Variants in OXGR1 observed in about 807,000 individuals in gnomAD.
OXGR1 encodes the protein 2-oxoglutarate receptor 1.
Under a neutral mutation model 10.0 loss-of-function variants are expected in OXGR1, and 10 were observed. The ratio of observed to expected loss-of-function variants is 1.00; its 90% CI spans 0.62 to 1.70. The LOEUF is 1.70. OXGR1 is among the 40% of genes most tolerant of loss of function. The pLI, the probability that OXGR1 is intolerant of heterozygous loss-of-function variation, is 0.00. For missense variants in OXGR1, 398 were observed against 407.6 expected (o/e 0.98, Z 0.20); for synonymous variants, 191 against 155.9 (o/e 1.22, Z -1.68).
intron 3 of OXGR1, 71 bp downstream of exon 3, chr13:96,989,687 G>T (rs1034566996): frequency 1.3e-5 from 2 of 152,250 alleles, no homozygotes; most frequent in Non-Finnish European, 2.9e-5. Flanking sequence ...GGGCTGGGCT[G>T]CATCTCACAA....
In OXGR1 at chr13:96,987,711, A is replaced by G. The variant is rs1160644386; in HGVS notation, c.49T>C (p.Tyr17His). ...YLANASDFPD[Y>H]AAAFGNCTDE... ...GTGCAATTTCCAAAAGCAGCTGCAT[A>G]ATCGGGGAAATCAGAAGCATTTGCT... The change falls in exon 4 of 4, where the codon TAT becomes CAT. Residue 17 changes from tyrosine to histidine, a missense_variant. Tyr to His is a moderately conservative substitution (Grantham distance 83). Coordinates refer to ENST00000541038, the MANE Select transcript of OXGR1 (RefSeq NM_001346194.2). 6.2e-7 allele frequency: 1 copy of G among 1,610,288 alleles called. No individual in the cohort carries two copies. The highest frequency in any genetic ancestry group is 1.7e-5 in the Admixed American group (1 of 59,694).
chr13:96,987,375 T>C lies in OXGR1; in HGVS notation c.385A>G (p.Ile129Val), dbSNP rs1881814883. 1 of 1,614,020 alleles carries C rather than the reference T, an allele frequency of 6.2e-7. No individual in the cohort carries two copies. The highest frequency in any genetic ancestry group is 8.5e-7 in the Non-Finnish European group (1 of 1,180,026). Residue 129 changes from isoleucine (I) to valine (V), a missense_variant, in exon 4 of 4, where the codon ATC (isoleucine) becomes GTC (valine). Coordinates refer to ENST00000541038, the MANE Select transcript of OXGR1 (RefSeq NM_001346194.2). Reference protein sequence around the residue: ...SSILFLTCFSIFRYCVIIHPM... With the variant: ...SSILFLTCFSVFRYCVIIHPM... ...TGAATGATCACACAGTAGCGGAAGA[T>C]GCTGAAACAGGTGAGGAAGAGGATG...
chr13:96,992,968 T>C (rs1428591381), intron 1 of OXGR1, among the ~76,000 whole-genome samples: 1 of 152,174 alleles, frequency 6.6e-6, no homozygotes, highest in Non-Finnish European at 1.5e-5. Flanking sequence ...TCACTTTGGG[T>C]TGTCAAAAAG....
intron 3 of OXGR1, among the ~76,000 whole-genome samples, chr13:96,989,072 T>C (rs1488856238): frequency 2.0e-5 from 3 of 151,188 alleles, no homozygotes; most frequent in Non-Finnish European, 4.4e-5. Flanking sequence ...ATGTTAAAAA[T>C]AGGAAAAAAA....
chr13:96,987,204 G>C lies in OXGR1; in HGVS notation c.556C>G (p.Leu186Val). ...GTATTGAGTTCATCCGAACTGGTGA[G>C]GTCGAGACAGGCTGATCTGTTGGTC... Reference protein sequence around the residue: ...NRTNRSACLDLTSSDELNTIK... With the variant: ...NRTNRSACLDVTSSDELNTIK... Residue 186 changes from leucine (L) to valine (V), a missense_variant, in exon 4 of 4, where the codon CTC (leucine) becomes GTC (valine). By Grantham distance (32) the Leu-to-Val change is conservative. Coordinates refer to ENST00000541038, the MANE Select transcript of OXGR1 (RefSeq NM_001346194.2). 3 of 1,614,160 alleles carry C rather than the reference G, an allele frequency of 1.9e-6. No homozygotes were observed. Among genetic ancestry groups the C allele is most frequent in the Non-Finnish European group, 2.5e-6 (3 of 1,180,028 alleles).
In OXGR1 at chr13:96,986,253, T is replaced by C. The variant is rs1881731557; in HGVS notation, c.*493A>G. ...CAAAGTTAAGCTTGAAGGAAACAAA[T>C]TGTAGAGCTCTGAGATGTAAAAAAT... On this transcript the variant is annotated 3_prime_UTR_variant, in exon 4 of 4. Transcript: ENST00000541038. 1 of 153,244 alleles carries C rather than the reference T, an allele frequency of 6.5e-6. No individual in the cohort carries two copies. The highest frequency in any genetic ancestry group is 2.1e-4 in the South Asian group (1 of 4,874). 9.5% of individuals were successfully genotyped at this position (153,244 alleles called of 1,614,324 possible).
intron 1 of OXGR1, among the ~76,000 whole-genome samples, chr13:96,994,038 AGTCAAAT>A (rs986582779): frequency 3.9e-5 from 6 of 152,138 alleles, no homozygotes; most frequent in Non-Finnish European, 7.4e-5. Flanking sequence ...GTTCTCTCCA[AGTCAAAT>A]GTCTTCTCGC....
At position 96,987,346 on chromosome 13, in the gene OXGR1, T is replaced by A. The variant is rs753213205; in HGVS notation, c.414A>T (p.Pro138=). The A allele has an allele frequency of 5.3e-5, 86 of 1,614,082 alleles. No homozygotes were observed. The highest frequency in any genetic ancestry group is 6.7e-5 in the Non-Finnish European group (79 of 1,180,044). ...TTTTGTGAATGGAAAAGCAGCTCATTGGGTGAATGATCACACAGTAGCGGA... is the reference window on the plus strand; with the variant it reads ...TTTTGTGAATGGAAAAGCAGCTCATAGGGTGAATGATCACACAGTAGCGGA... ...SIFRYCVIIH[P]MSCFSIHKTR... is the part of the protein sequence containing the mutation. The change falls in exon 4 of 4, where the codon CCA becomes CCT. Residue 138 remains proline, a synonymous_variant. Coordinates refer to ENST00000541038, the MANE Select transcript of OXGR1 (RefSeq NM_001346194.2).
Position 96,987,654 on chromosome 13 carries a change from G to C in OXGR1, c.106C>G (p.Leu36Val). The change falls in exon 4 of 4, where the codon CTC becomes GTC. Residue 36 changes from leucine to valine, a missense_variant. Physicochemically the swap from Leu to Val is conservative, Grantham distance 32. Transcript: ENST00000541038. Reference protein sequence around the residue: ...DENIPLKMHYLPVIYGIIFLV... With the variant: ...DENIPLKMHYVPVIYGIIFLV... ...AAGATAATGCCATAAATAACAGGGAGGTAGTGCATCTTGAGTGGGATGTTT... is the reference window on the plus strand; with the variant it reads ...AAGATAATGCCATAAATAACAGGGACGTAGTGCATCTTGAGTGGGATGTTT... 6.2e-7 allele frequency: 1 copy of C among 1,614,144 alleles called. No homozygotes were observed. Among genetic ancestry groups the C allele is most frequent in the South Asian group, 1.1e-5 (1 of 91,074 alleles).
intron 2 of OXGR1, among the ~76,000 whole-genome samples, chr13:96,991,086 G>A (rs1046176065): frequency 6.6e-6 from 1 of 152,032 alleles, no homozygotes; most frequent in African/African-American, 2.4e-5. Flanking sequence ...AAGAAAAGAT[G>A]GGTTATAGGT....
At chr13:96,992,745 G>A (rs989897368) in intron 1 of OXGR1, among the ~76,000 whole-genome samples, 173 bp from the exon 2 acceptor site, 13 of 152,148 alleles carry the variant, frequency 8.5e-5, no homozygotes, top group Non-Finnish European at 1.5e-4. Context: ...TGTTGGATAA[G>A]TTAAGCTCAT....
At chr13:96,990,946 CAAAAAAA>C (rs765856782) in intron 2 of OXGR1, among the ~76,000 whole-genome samples, 1 of 97,210 alleles carries the variant, frequency 1.0e-5, no homozygotes, top group Non-Finnish European at 1.9e-5. Context: ...AAGACTCTTT[CAAAAAAA>C]AAAAAAAAAG....
At chr13:96,993,203 G>C (rs910162338) in intron 1 of OXGR1, among the ~76,000 whole-genome samples, 1 of 151,814 alleles carries the variant, frequency 6.6e-6, no homozygotes, top group East Asian at 1.9e-4. Flanking sequence ...ATTGTTTTTT[G>C]TTTGTTTGTG....
chr13:96,986,740 A>C lies in OXGR1; in HGVS notation c.*6T>G. The stretch of plus-strand genomic sequence containing the variant: ...TATTTGTTTTTGGTTAAGTAAATGA[A>C]ATATTTCAAGGGTTGTTTGAGTAAC... On this transcript the variant is annotated 3_prime_UTR_variant, in exon 4 of 4. Coordinates refer to ENST00000541038, the MANE Select transcript of OXGR1 (RefSeq NM_001346194.2). The C allele has an allele frequency of 3.1e-6, 5 of 1,589,944 alleles. No individual in the cohort carries two copies. The highest frequency in any genetic ancestry group is 4.3e-6 in the Non-Finnish European group (5 of 1,170,034).
rs558969136 is a variant in OXGR1 at position 96,985,892 on chromosome 13, G to C, written c.*854C>G. On this transcript the variant is annotated 3_prime_UTR_variant, in exon 4 of 4. Coordinates refer to ENST00000541038, the MANE Select transcript of OXGR1 (RefSeq NM_001346194.2). ...CATTGTAGTCATAAAAGAACAAGGA[G>C]TCTAAAGAGAATTAGCGTTTCCTGG... The C allele has an allele frequency of 2.0e-5, 3 of 152,298 alleles. No individual in the cohort carries two copies. The East Asian group carries it at 5.8e-4, about 29-fold the overall frequency. 9.4% of individuals were successfully genotyped at this position (152,298 alleles called of 1,614,324 possible).
In OXGR1 at chr13:96,986,629, A is replaced by T. The variant is rs573026807; in HGVS notation, c.*117T>A. On this transcript the variant is annotated 3_prime_UTR_variant, in exon 4 of 4. Coordinates refer to ENST00000541038, the MANE Select transcript of OXGR1 (RefSeq NM_001346194.2). The stretch of plus-strand genomic sequence containing the variant: ...AGCTCTGCCCTGGCTTTGGCACATG[A>T]TTACTTGAATACACAGTATTTACCA... The T allele has an allele frequency of 8.1e-6, 9 of 1,117,300 alleles. 1 individual carries two copies. Among genetic ancestry groups the T allele is most frequent in the African/African-American group, 6.2e-5 (4 of 64,048 alleles). 69.2% of individuals were successfully genotyped at this position (1,117,300 alleles called of 1,614,324 possible).
In OXGR1 at chr13:96,986,824, A is replaced by G; in HGVS notation, c.936T>C (p.Ala312=). The part of the protein sequence containing the change: ...YVVVSDNFQQ[A]VCSTVRCKVS... ...CTTTGCATCTCACTGTTGAGCAGAC[A>G]GCCTGCTGAAAGTTGTCGCTGACCA... Residue 312 remains alanine, a synonymous_variant, in exon 4 of 4, where the codon GCT becomes GCC. Transcript: ENST00000541038. 6 of 1,614,192 alleles carry G rather than the reference A, an allele frequency of 3.7e-6. No individual in the cohort carries two copies. Among genetic ancestry groups the G allele is most frequent in the Non-Finnish European group, 5.1e-6 (6 of 1,180,008 alleles).
At position 96,987,503 on chromosome 13, in the gene OXGR1, A is replaced by C; in HGVS notation, c.257T>G (p.Leu86Arg). Residue 86 changes from leucine to arginine, a missense_variant, in exon 4 of 4, where the codon CTC becomes CGC. Leu to Arg is a moderately radical substitution (Grantham distance 102). Coordinates refer to ENST00000541038, the MANE Select transcript of OXGR1 (RefSeq NM_001346194.2). ...ACTDLLYLTS[L>R]PFLIHYYASG... ...GGCATAGTAGTGAATCAGGAAGGGG[A>C]GGCTGGTCAGATACAGCAGATCTGT... 6.2e-7 allele frequency: 1 copy of C among 1,614,174 alleles called. No individual in the cohort carries two copies. Among genetic ancestry groups the C allele is most frequent in the South Asian group, 1.1e-5 (1 of 91,088 alleles).
chr13:96,993,551 A>G (rs1882165545), intron 1 of OXGR1, among the ~76,000 whole-genome samples: 1 of 152,028 alleles, frequency 6.6e-6, no homozygotes, highest in South Asian at 2.1e-4. Context: ...AGAATCTGCA[A>G]CTCAGTTTCC....
Sources: gnomAD v4.1 joint callset for allele counts (sites outside exome capture counted in the v4.1 genomes callset) on GRCh38, gnomAD v4.1.1 for gene constraint, MANE v1.5 for transcripts, NCBI Gene and HGNC (gene_info 2026-07-23, HGNC 2026-07-21) for gene names.